SIRPG: variants seen among roughly 807,000 people sequenced by gnomAD.
SIRPG encodes the protein signal regulatory protein gamma.
A neutral mutation model predicts 35.7 loss-of-function variants in SIRPG; 38 were observed. The observed-to-expected ratio is 1.06, with a 90% CI of 0.82 to 1.40. The LOEUF is 1.40. Ranked by LOEUF, SIRPG falls within the 40% of genes most tolerant of loss-of-function variation. SIRPG has a pLI of 0.00. For synonymous variants in SIRPG, 215 were observed against 190.4 expected (o/e 1.13, Z -1.06); for missense variants, 519 against 483.0 (o/e 1.07, Z -0.70).
intron 2 of SIRPG, 26 bp downstream of exon 2, chr20:1,649,026 A>T: frequency 6.4e-7 from 1 of 1,566,342 alleles, no homozygotes; most frequent in Non-Finnish European, 8.8e-7. Flanking sequence ...ACATCAGGGG[A>T]TGAGGGAGGT....
At chr20:1,635,797 T>C (rs2091794145) in intron 3 of SIRPG, among the ~76,000 whole-genome samples, 198 bp from the exon 4 acceptor site, 1 of 152,194 alleles carries the variant, frequency 6.6e-6, no homozygotes, top group Non-Finnish European at 1.5e-5. Flanking sequence ...CAGTAGGTGC[T>C]CAAGGACTGG....
chr20:1,642,648 G>T (rs144591121), intron 2 of SIRPG, among the ~76,000 whole-genome samples: 1 of 152,008 alleles, frequency 6.6e-6, no homozygotes, highest in East Asian at 1.9e-4. Flanking sequence ...CAGTTGATGC[G>T]GTTTCTTCAT....
intron 4 of SIRPG, among the ~76,000 whole-genome samples, chr20:1,631,262 G>A (rs2122396314): frequency 6.6e-6 from 1 of 152,296 alleles, no homozygotes; most frequent in South Asian, 2.1e-4. Context: ...GAGGCCGGCA[G>A]TTCTCAGCTG....
the SIRPG span, among the ~76,000 whole-genome samples, chr20:1,674,217 A>ATT: frequency 2.0e-4 from 30 of 149,816 alleles, no homozygotes; most frequent in South Asian, 1.1e-3. Context: ...CTGGATTTAA[A>ATT]TTTTTTTTTT....
At chr20:1,652,614 A>G (rs2091947910) in intron 1 of SIRPG, among the ~76,000 whole-genome samples, 1 of 152,204 alleles carries the variant, frequency 6.6e-6, no homozygotes, top group Non-Finnish European at 1.5e-5. Context: ...AAAACACATG[A>G]TCATCTATTT....
chr20:1,649,834 C>T (rs925113008), intron 1 of SIRPG, among the ~76,000 whole-genome samples: 3 of 150,054 alleles, frequency 2.0e-5, no homozygotes, highest in African/African-American at 7.3e-5. Context: ...CAGGTCACAC[C>T]ATTCTGCTCA....
At chr20:1,677,402 T>C in the SIRPG span, among the ~76,000 whole-genome samples, 1 of 152,196 alleles carries the variant, frequency 6.6e-6, no homozygotes, top group African/African-American at 2.4e-5. Context: ...GGACTGTGCA[T>C]TCAAATGCAA....
chr20:1,649,056 C>T lies in SIRPG; in HGVS notation c.426G>A (p.Leu142=). Residue 142 remains leucine (L), a synonymous_variant, in exon 2 of 6, where the codon TTG becomes TTA. Transcript: ENST00000303415. ...FKSGPGTEMA[L]GAKPSAPVVL... ...GGAGGTCCATGTTGTACTCACCACC[C>T]AAAGCCATCTCAGTGCCTGGTCCAG... 1 of 1,613,362 alleles carries T rather than the reference C, an allele frequency of 6.2e-7. No homozygotes were observed. Among genetic ancestry groups the T allele is most frequent in the Non-Finnish European group, 8.5e-7 (1 of 1,179,478 alleles).
At chr20:1,685,091 C>T in the SIRPG span, among the ~76,000 whole-genome samples, 2 of 152,152 alleles carry the variant, frequency 1.3e-5, 1 homozygote, top group South Asian at 4.1e-4. Flanking sequence ...GGGGTCAGCT[C>T]CCTGGCCTGA....
the SIRPG span, among the ~76,000 whole-genome samples, chr20:1,673,895 T>C: frequency 6.6e-6 from 1 of 152,188 alleles, no homozygotes. Flanking sequence ...CACAAACTTG[T>C]TAAAGTTGTT....
upstream of SIRPG, among the ~76,000 whole-genome samples, chr20:1,658,767 A>G (rs2091987924): frequency 6.6e-6 from 1 of 152,108 alleles, no homozygotes; most frequent in South Asian, 2.1e-4. Context: ...GGGAACTCAA[A>G]TGTTGCTTTT....
At chr20:1,643,244 AT>A (rs1202683128) in intron 2 of SIRPG, among the ~76,000 whole-genome samples, 1 of 151,960 alleles carries the variant, frequency 6.6e-6, no homozygotes, top group African/African-American at 2.4e-5. Context: ...ATAGTCCCAT[AT>A]TTCTCTGAGG....
At chr20:1,662,470 G>A (rs539334889), upstream of SIRPG, among the ~76,000 whole-genome samples, 9 of 152,230 alleles carry the variant, frequency 5.9e-5, no homozygotes, top group African/African-American at 2.2e-4. Context: ...TTGTTCTTTC[G>A]CTTGTTCCAT....
chr20:1,632,955 A>G (rs1256863104), intron 4 of SIRPG, among the ~76,000 whole-genome samples: 1 of 152,184 alleles, frequency 6.6e-6, no homozygotes, highest in African/African-American at 2.4e-5. Context: ...ACTCACGGAA[A>G]CAAAGTGGTC....
the SIRPG span, among the ~76,000 whole-genome samples, chr20:1,669,277 A>G: frequency 6.6e-6 from 1 of 152,194 alleles, no homozygotes; most frequent in Non-Finnish European, 1.5e-5. Flanking sequence ...AACATCTCTC[A>G]TTGTTCCTCA....
chr20:1,630,597 T>C, intron 4 of SIRPG: 1 of 347,784 alleles, frequency 2.9e-6, no homozygotes. Flanking sequence ...CACTTGACCC[T>C]CACAAGCCTA....
chr20:1,630,993 G>A (rs370652560), intron 4 of SIRPG, among the ~76,000 whole-genome samples: 2 of 152,106 alleles, frequency 1.3e-5, no homozygotes, highest in African/African-American at 4.8e-5. Context: ...GGCCTCAGAT[G>A]TCACCTAGGC....
intron 2 of SIRPG, 85 bp downstream of exon 2, chr20:1,648,967 C>A: frequency 7.9e-7 from 1 of 1,265,700 alleles, no homozygotes; most frequent in South Asian, 1.3e-5. Flanking sequence ...AAAATCACAC[C>A]TGATTGTTGC....
At chr20:1,652,403 A>G (rs1302079762) in intron 1 of SIRPG, among the ~76,000 whole-genome samples, 1 of 152,238 alleles carries the variant, frequency 6.6e-6, no homozygotes, top group Non-Finnish European at 1.5e-5. Context: ...CTTTCTGTTG[A>G]CAGTGGCCTT....
Sources: allele counts gnomAD v4.1 joint callset (sites outside exome capture counted in the v4.1 genomes callset), GRCh38; gene constraint gnomAD v4.1.1; transcripts MANE v1.5; gene names NCBI Gene and HGNC (gene_info 2026-07-23, HGNC 2026-07-21).